The following TNIK variants were observed in gnomAD, a reference collection of about 807,000 sequenced individuals.
TNIK encodes the protein TRAF2 and NCK-interacting protein kinase.
A neutral mutation model predicts 191.3 loss-of-function variants in TNIK; 49 were observed. That is an observed-to-expected ratio of 0.26 (90% CI 0.20 to 0.32). TNIK has a LOEUF of 0.32. TNIK is among the 10% of genes least tolerant of loss of function. The probability of loss-of-function intolerance (pLI) is 1.00; values close to 1 mark genes in which losing one functional copy is unlikely to be tolerated. For missense variants in TNIK, 1,155 were observed against 1,702.3 expected (o/e 0.68, Z 5.66); for synonymous variants, 594 against 600.9 (o/e 0.99, Z 0.17).
At chr3:171,093,567 C>T (rs992695155) in intron 23 of TNIK, among the ~76,000 whole-genome samples, 1 of 152,120 alleles carries the variant, frequency 6.6e-6, no homozygotes, top group Non-Finnish European at 1.5e-5. Flanking sequence ...AATTTTATAT[C>T]CTCAGGCCCA....
chr3:171,176,430 AT>A (rs1447491479), intron 8 of TNIK, among the ~76,000 whole-genome samples: 1 of 152,188 alleles, frequency 6.6e-6, no homozygotes, highest in Non-Finnish European at 1.5e-5. Context: ...GACACCAAGG[AT>A]ATTACTGGGT....
Position 171,357,212 on chromosome 3 carries a change from A to G in TNIK, c.123+12408T>C, listed in dbSNP as rs910489543. Among the ~76,000 whole-genome samples, 5 of 152,118 alleles carry G rather than the reference A, an allele frequency of 3.3e-5. No individual in the cohort carries two copies. In the East Asian group the frequency reaches 7.7e-4, roughly 23 times the overall value. On this transcript the variant is annotated intron_variant, in intron 2 of 32. Coordinates refer to ENST00000436636, the MANE Select transcript of TNIK (RefSeq NM_015028.4). ...ATTATATTTTGTGTCAGTCTCCTTA[A>G]TTTATATACTCAAACAGTTGAGATG...
chr3:171,228,475 C>G (rs906379722), intron 2 of TNIK, among the ~76,000 whole-genome samples: 1 of 152,130 alleles, frequency 6.6e-6, no homozygotes, highest in Admixed American at 6.6e-5. Flanking sequence ...GGTTCTAACT[C>G]CTCTCCAAGG....
chr3:171,172,169 G>A (rs1482411405), intron 9 of TNIK, among the ~76,000 whole-genome samples: 2 of 152,184 alleles, frequency 1.3e-5, no homozygotes, highest in African/African-American at 2.4e-5. Flanking sequence ...TAAGAGACCA[G>A]TTTATGCCTT....
intron 2 of TNIK, among the ~76,000 whole-genome samples, chr3:171,327,544 A>C (rs185270419): frequency 3.5e-4 from 53 of 152,246 alleles, no homozygotes; most frequent in African/African-American, 1.2e-3. Flanking sequence ...AACTCTGAGG[A>C]GGCCCTAGGG....
At chr3:171,302,110 G>A (rs558209860) in intron 2 of TNIK, among the ~76,000 whole-genome samples, 47 of 152,220 alleles carry the variant, frequency 3.1e-4, no homozygotes, top group African/African-American at 1.1e-3. Context: ...AAAAGGGGTG[G>A]AGGGGAGTGG....
intron 2 of TNIK, among the ~76,000 whole-genome samples, chr3:171,292,823 T>TA (rs1309395852): frequency 6.6e-6 from 1 of 150,664 alleles, no homozygotes; most frequent in Non-Finnish European, 1.5e-5. Context: ...GGGCAGAGTT[T>TA]ATACTCACAA....
intron 12 of TNIK, among the ~76,000 whole-genome samples, chr3:171,151,377 A>T (rs1328150337): frequency 6.6e-6 from 1 of 152,226 alleles, no homozygotes; most frequent in African/African-American, 2.4e-5. Flanking sequence ...ATAAATCCAA[A>T]AAGGTTTTAC....
At chr3:171,238,224 TTTCAAAAAAATTCATAAAA>T (rs1303243594) in intron 2 of TNIK, among the ~76,000 whole-genome samples, 5 of 151,872 alleles carry the variant, frequency 3.3e-5, no homozygotes, top group Non-Finnish European at 7.4e-5. Flanking sequence ...ATTCATAATC[TTTCAAAAAAATTCATAAAA>T]TTCAAAAAAA....
At chr3:171,324,710 ATTG>A (rs776139639) in intron 2 of TNIK, among the ~76,000 whole-genome samples, 113 of 151,474 alleles carry the variant, frequency 7.5e-4, no homozygotes, top group African/African-American at 2.2e-3. Context: ...TTTTGTTGTT[ATTG>A]TTGTTGTTTT....
chr3:171,459,931 AG>A, intron 1 of TNIK, 75 bp downstream of exon 1: 1 of 504,728 alleles, frequency 2.0e-6, no homozygotes, highest in Non-Finnish European at 3.7e-6. Context: ...CCCCAGCCCC[AG>A]CCCCCAGTCC....
At chr3:171,234,904 C>T (rs964368688) in intron 2 of TNIK, among the ~76,000 whole-genome samples, 1 of 152,222 alleles carries the variant, frequency 6.6e-6, no homozygotes, top group Admixed American at 6.5e-5. Context: ...CAAGAACACA[C>T]TTCCCAGTAA....
chr3:171,336,314 T>C (rs1756946590), intron 2 of TNIK, among the ~76,000 whole-genome samples: 1 of 152,222 alleles, frequency 6.6e-6, no homozygotes, highest in South Asian at 2.1e-4. Context: ...TCCTTGATAC[T>C]GTGCTGTAAC....
chr3:171,340,633 A>T (rs1757419134), intron 2 of TNIK, among the ~76,000 whole-genome samples: 1 of 152,200 alleles, frequency 6.6e-6, no homozygotes, highest in Admixed American at 6.5e-5. Flanking sequence ...AAGGCTACCT[A>T]TCAGCTAGCT....
At chr3:171,247,156 G>A (rs544863208) in intron 2 of TNIK, among the ~76,000 whole-genome samples, 1 of 152,274 alleles carries the variant, frequency 6.6e-6, no homozygotes, top group Admixed American at 6.5e-5. Context: ...GGAGTTACAA[G>A]ATCAGACTGG....
chr3:171,076,113 CTTT>C (rs371623919), intron 28 of TNIK, among the ~76,000 whole-genome samples: 2 of 144,408 alleles, frequency 1.4e-5, no homozygotes, highest in African/African-American at 5.1e-5. Context: ...AGGTCAGGGG[CTTT>C]TTTTTTTTCC....
intron 24 of TNIK, among the ~76,000 whole-genome samples, chr3:171,085,646 T>C (rs1324552286): frequency 1.3e-5 from 2 of 152,194 alleles, no homozygotes; most frequent in African/African-American, 4.8e-5. Context: ...TACTTTATCC[T>C]GAACAGAGTC....
chr3:171,433,088 G>A (rs1245603151), intron 1 of TNIK, among the ~76,000 whole-genome samples: 1 of 152,038 alleles, frequency 6.6e-6, no homozygotes, highest in Non-Finnish European at 1.5e-5. Context: ...TTTATGTAAT[G>A]GGGACATTAA....
chr3:171,427,368 C>T (rs1055727997), intron 1 of TNIK, among the ~76,000 whole-genome samples: 1 of 152,180 alleles, frequency 6.6e-6, no homozygotes, highest in Admixed American at 6.5e-5. Context: ...AAAAATCCTT[C>T]CTAACTTCTA....
Sources: allele counts gnomAD v4.1 joint callset (sites outside exome capture counted in the v4.1 genomes callset), GRCh38; gene constraint gnomAD v4.1.1; transcripts MANE v1.5; gene names NCBI Gene and HGNC (gene_info 2026-07-23, HGNC 2026-07-21).